Variants in DNAH6 observed in about 807,000 individuals in gnomAD.
DNAH6 encodes the protein axonemal beta dynein heavy chain 6.
DNAH6 carries 340 observed loss-of-function variants against 491.4 expected under a neutral mutation model. The ratio of observed to expected loss-of-function variants is 0.69; its 90% CI spans 0.63 to 0.76. The LOEUF (loss-of-function observed/expected upper bound fraction) is 0.76, where lower values mean the gene tolerates loss of function less well. Among genes scored for constraint, DNAH6 ranks in the 30% least tolerant of loss-of-function variants. The probability of loss-of-function intolerance (pLI) is 0.00; values close to 1 mark genes in which losing one functional copy is unlikely to be tolerated. For synonymous variants in DNAH6, 1,603 were observed against 1,686.1 expected (o/e 0.95, Z 1.21); for missense variants, 4,443 against 4,972.2 (o/e 0.89, Z 3.20).
intron 61 of DNAH6, among the ~76,000 whole-genome samples, chr2:84,732,020 C>A (rs78528804): frequency 0.14 from 21,563 of 152,144 alleles, 1,752 homozygotes; most frequent in African/African-American, 0.22. Context: ...ATGATCATCC[C>A]AGGGTAACTG....
At chr2:84,782,965 G>A (rs116803769) in intron 65 of DNAH6, among the ~76,000 whole-genome samples, 4,097 of 152,236 alleles carry the variant, frequency 0.027, 79 homozygotes, top group South Asian at 0.06. Context: ...GCCAGCTGAA[G>A]TTGTTTGTGT....
Position 84,745,197 on chromosome 2 carries a change from G to T in DNAH6, c.10460G>T (p.Gly3487Val). ...GCACACCAAGATCCATGGAGTGCAGGATTGAGTTCTTTCCATAAGCTAATT... is the reference window on the plus strand; with the variant it reads ...GCACACCAAGATCCATGGAGTGCAGTATTGAGTTCTTTCCATAAGCTAATT... The part of the protein sequence containing the change: ...EAAHQDPWSA[G>V]LSSFHKLILI... The change falls in exon 63 of 77, where the codon GGA (glycine) becomes GTA (valine). Residue 3487 changes from glycine to valine, a missense_variant. Physicochemically the swap from Gly to Val is moderately radical, Grantham distance 109 (BLOSUM62 -3). Coordinates refer to ENST00000389394, the MANE Select transcript of DNAH6 (RefSeq NM_001370.2). The T allele has an allele frequency of 6.5e-7, 1 of 1,543,560 alleles. No homozygotes were observed. Among genetic ancestry groups the T allele is most frequent in the East Asian group, 2.5e-5 (1 of 40,732 alleles).
chr2:84,804,042 A>C (rs1355638855), intron 70 of DNAH6, among the ~76,000 whole-genome samples: 1 of 152,056 alleles, frequency 6.6e-6, no homozygotes, highest in African/African-American at 2.4e-5. Context: ...CCCTGTTTCT[A>C]CTAAAACTAT....
chr2:84,506,924 A>G, the DNAH6 span, among the ~76,000 whole-genome samples: 1 of 152,042 alleles, frequency 6.6e-6, no homozygotes, highest in Non-Finnish European at 1.5e-5. Flanking sequence ...CCATTGGTCT[A>G]TATCTCTGTT....
chr2:84,784,677 A>G (rs1445344839), intron 65 of DNAH6, 45 bp from the exon 66 acceptor site: 4 of 1,280,262 alleles, frequency 3.1e-6, no homozygotes, highest in Non-Finnish European at 3.3e-6. Flanking sequence ...GCTACTACCA[A>G]CTAAACATTT....
the DNAH6 span, among the ~76,000 whole-genome samples, chr2:84,502,865 A>G: frequency 1.3e-5 from 2 of 151,646 alleles, no homozygotes; most frequent in Admixed American, 6.6e-5. Context: ...TCATCCCTTT[A>G]TTTTTCATCT....
At chr2:84,729,723 T>C (rs1698967783) in intron 61 of DNAH6, among the ~76,000 whole-genome samples, 1 of 152,210 alleles carries the variant, frequency 6.6e-6, no homozygotes, top group South Asian at 2.1e-4. Flanking sequence ...AATTAAACTG[T>C]CTTTTCCTCT....
At chr2:84,544,027 T>G (rs1678520920) in intron 4 of DNAH6, among the ~76,000 whole-genome samples, 2 of 152,160 alleles carry the variant, frequency 1.3e-5, no homozygotes, top group African/African-American at 4.8e-5. Context: ...GCCACAGTTG[T>G]GAAATCTTTT....
At chr2:84,636,987 G>T (rs1179317211) in intron 30 of DNAH6, among the ~76,000 whole-genome samples, 1 of 152,114 alleles carries the variant, frequency 6.6e-6, no homozygotes, top group Non-Finnish European at 1.5e-5. Flanking sequence ...GAGACAGTTT[G>T]GGCAAGTCAG....
At chr2:84,471,703 C>T in the DNAH6 span, among the ~76,000 whole-genome samples, 3 of 152,188 alleles carry the variant, frequency 2.0e-5, no homozygotes, top group East Asian at 5.8e-4. Context: ...AGGGCATCCA[C>T]GTGGTTCGTT....
At chr2:84,635,146 C>G (rs746906564) in intron 30 of DNAH6, among the ~76,000 whole-genome samples, 1 of 152,146 alleles carries the variant, frequency 6.6e-6, no homozygotes, top group Non-Finnish European at 1.5e-5. Context: ...AGCTCTAGCT[C>G]CAGAGGCAGA....
At chr2:84,781,723 C>A in intron 65 of DNAH6, 70 bp downstream of exon 65, 1 of 1,439,360 alleles carries the variant, frequency 6.9e-7, no homozygotes. Flanking sequence ...GAATTCATTC[C>A]TTATAGTAAT....
At chr2:84,747,764 A>T (rs929799198) in intron 63 of DNAH6, among the ~76,000 whole-genome samples, 5 of 152,148 alleles carry the variant, frequency 3.3e-5, no homozygotes, top group African/African-American at 9.7e-5. Flanking sequence ...CTTCCTGGAC[A>T]CCCAGGCTTT....
chr2:84,667,390 A>G (rs1160809805), intron 37 of DNAH6, among the ~76,000 whole-genome samples: 1 of 152,220 alleles, frequency 6.6e-6, no homozygotes, highest in East Asian at 1.9e-4. Flanking sequence ...AAAAACTTAA[A>G]CAAATTTACA....
intron 64 of DNAH6, chr2:84,777,556 G>T: frequency 1.3e-6 from 1 of 775,588 alleles, no homozygotes; most frequent in Admixed American, 1.7e-5. Flanking sequence ...CCACCTACTT[G>T]TGAACCTCTT....
In DNAH6 at chr2:84,557,888, G is replaced by A. The variant is rs145091842; in HGVS notation, c.1756G>A (p.Val586Ile). Residue 586 changes from valine to isoleucine, a missense_variant, in exon 11 of 77, where the codon GTA becomes ATA. Physicochemically the swap from Val to Ile is conservative, Grantham distance 29 (BLOSUM62 3). Around this residue, in one of 3 missense-constraint regions of DNAH6, gnomAD observed 2,977 missense variants for 3,296.6 expected, o/e 0.90. Coordinates refer to ENST00000389394, the MANE Select transcript of DNAH6 (RefSeq NM_001370.2). The part of the protein sequence containing the change: ...TCGTGPSLAA[V>I]FEDDKNFHTI... Reference sequence around the variant, plus strand: ...TGGAACTGGGCCAAGTTTAGCAGCAGTATTTGAGGATGATAAGAATTTTCA... The same window carrying A: ...TGGAACTGGGCCAAGTTTAGCAGCAATATTTGAGGATGATAAGAATTTTCA... 1.5e-5 allele frequency: 24 copies of A among 1,612,138 alleles called. No individual in the cohort carries two copies. The highest frequency in any genetic ancestry group is 1.9e-5 in the Non-Finnish European group (22 of 1,178,882).
chr2:84,657,883 C>A (rs894854387), intron 35 of DNAH6, among the ~76,000 whole-genome samples: 1 of 151,978 alleles, frequency 6.6e-6, no homozygotes, highest in Non-Finnish European at 1.5e-5. Context: ...GGGCTGAATT[C>A]ACTTTTAAAT....
At chr2:84,658,663 T>C (rs1691206082) in intron 36 of DNAH6, among the ~76,000 whole-genome samples, 189 bp downstream of exon 36, 1 of 152,098 alleles carries the variant, frequency 6.6e-6, no homozygotes, top group Non-Finnish European at 1.5e-5. Flanking sequence ...TATAGTTTAT[T>C]CCTCTACTCA....
intron 29 of DNAH6, among the ~76,000 whole-genome samples, chr2:84,629,187 A>C (rs2104441946): frequency 6.6e-6 from 1 of 152,148 alleles, no homozygotes; most frequent in East Asian, 1.9e-4. Flanking sequence ...GGTTGTTTCT[A>C]ATATAGTATT....
Sources: allele counts gnomAD v4.1 joint callset (sites outside exome capture counted in the v4.1 genomes callset), GRCh38; gene constraint gnomAD v4.1.1; regional missense constraint gnomAD v4.1.1; transcripts MANE v1.5; gene names NCBI Gene and HGNC (gene_info 2026-07-23, HGNC 2026-07-21).